Variants in UTS2 observed in about 807,000 individuals in gnomAD.
UTS2 encodes urotensin 2, also known as urotensin-2.
In UTS2, 10 loss-of-function variants were observed where a neutral mutation model predicts 12.6. That is an observed-to-expected ratio of 0.80 (90% CI 0.49 to 1.35). The LOEUF is 1.35. Among genes scored for constraint, UTS2 ranks in the 40% most tolerant of loss-of-function variants. The probability of loss-of-function intolerance (pLI) is 0.00; values close to 1 mark genes in which losing one functional copy is unlikely to be tolerated. For synonymous variants in UTS2, 52 were observed against 50.0 expected (o/e 1.04, Z -0.17); for missense variants, 142 against 143.2 (o/e 0.99, Z 0.04).
chr1:7,909,027 G>C, the UTS2 span, among the ~76,000 whole-genome samples: 7 of 151,968 alleles, frequency 4.6e-5, no homozygotes, highest in African/African-American at 7.3e-5. Flanking sequence ...GGCTGACCTT[G>C]TGATCTACCC....
chr1:7,884,617 A>G, the UTS2 span, among the ~76,000 whole-genome samples: 3 of 152,154 alleles, frequency 2.0e-5, no homozygotes, highest in African/African-American at 7.2e-5. Context: ...CCAACATCTG[A>G]TCTTTTCTAG....
the UTS2 span, among the ~76,000 whole-genome samples, chr1:7,907,328 C>T: frequency 6.6e-6 from 1 of 150,648 alleles, no homozygotes; most frequent in Non-Finnish European, 1.5e-5. Flanking sequence ...TGAGTGGAAG[C>T]AGTCTGACTG....
chr1:7,907,717 A>G, the UTS2 span, among the ~76,000 whole-genome samples: 1 of 152,132 alleles, frequency 6.6e-6, no homozygotes, highest in South Asian at 2.1e-4. Flanking sequence ...GCATTATGTC[A>G]GAGATTTTTT....
upstream of UTS2, chr1:7,853,409 A>C (rs1372330623): frequency 1.2e-6 from 2 of 1,613,998 alleles, no homozygotes; most frequent in Non-Finnish European, 1.7e-6. Flanking sequence ...GCAGAGCATA[A>C]GATGAAATAC....
At chr1:7,862,998 GTATTGTATTGTATTGTATTGTA>G in the UTS2 span, among the ~76,000 whole-genome samples, 3 of 19,588 alleles carry the variant, frequency 1.5e-4, no homozygotes, top group African/African-American at 5.1e-4. Context: ...GTGTTGTATT[GTATTGTATTGTATTGTATTGTA>G]TTGTATTGTA....
At chr1:7,861,376 GT>G in the UTS2 span, among the ~76,000 whole-genome samples, 4 of 152,146 alleles carry the variant, frequency 2.6e-5, no homozygotes. Context: ...GGCCTGGGGG[GT>G]TGGAAGTCTG....
chr1:7,869,031 G>A, the UTS2 span, among the ~76,000 whole-genome samples: 1 of 152,346 alleles, frequency 6.6e-6, no homozygotes, highest in African/African-American at 2.4e-5. Context: ...TGTTGTTTAA[G>A]CTCCCACTCT....
chr1:7,889,140 T>C, the UTS2 span, among the ~76,000 whole-genome samples: 2 of 150,870 alleles, frequency 1.3e-5, no homozygotes, highest in African/African-American at 4.9e-5. Flanking sequence ...AAAGTAGAAT[T>C]TGGCCAGGTG....
chr1:7,896,978 A>G, the UTS2 span, among the ~76,000 whole-genome samples: 32 of 151,576 alleles, frequency 2.1e-4, no homozygotes, highest in African/African-American at 7.0e-4. Context: ...GATTACAGGC[A>G]TGAGCCACTG....
chr1:7,901,606 ATGTGTGTGTG>A, the UTS2 span, among the ~76,000 whole-genome samples: 1 of 126,686 alleles, frequency 7.9e-6, no homozygotes, highest in Non-Finnish European at 1.7e-5. Flanking sequence ...ATATTCATCT[ATGTGTGTGTG>A]TGTGTGTGTG....
chr1:7,890,148 T>A, the UTS2 span, among the ~76,000 whole-genome samples: 14 of 151,640 alleles, frequency 9.2e-5, no homozygotes, highest in African/African-American at 2.9e-4. Context: ...AAAATTCCTC[T>A]TTTAAGCTCT....
the UTS2 span, among the ~76,000 whole-genome samples, chr1:7,885,130 T>TCACCCATCCATC: frequency 2.3e-4 from 34 of 150,210 alleles, no homozygotes; most frequent in African/African-American, 6.6e-4. Context: ...CACCCACCTA[T>TCACCCATCCATC]CATCCATCCA....
chr1:7,852,705 GA>G (rs924799990), intron 1 of UTS2, among the ~76,000 whole-genome samples, 195 bp downstream of exon 1: 4 of 151,826 alleles, frequency 2.6e-5, no homozygotes, highest in South Asian at 4.2e-4. Flanking sequence ...TGTAGAGACA[GA>G]AAAAAAACTG....
chr1:7,889,260 CAAAAAAAAAA>C, the UTS2 span, among the ~76,000 whole-genome samples: 1 of 72,588 alleles, frequency 1.4e-5, no homozygotes, highest in Non-Finnish European at 2.6e-5. Context: ...CTCATTTCTA[CAAAAAAAAAA>C]AAAAAAAAAA....
the UTS2 span, among the ~76,000 whole-genome samples, chr1:7,890,974 C>CG: frequency 2.5e-4 from 38 of 151,370 alleles, no homozygotes; most frequent in African/African-American, 8.5e-4. Context: ...TCCACCCCCC[C>CG]CCACAAAACT....
chr1:7,860,828 A>G, the UTS2 span, among the ~76,000 whole-genome samples: 1 of 152,016 alleles, frequency 6.6e-6, no homozygotes, highest in African/African-American at 2.4e-5. Context: ...GGATCACTTG[A>G]GATCAGGAGT....
chr1:7,872,020 G>T, the UTS2 span, among the ~76,000 whole-genome samples: 6 of 152,132 alleles, frequency 3.9e-5, no homozygotes, highest in Admixed American at 1.3e-4. Flanking sequence ...GATTAAGTTT[G>T]GCCGGGCGCG....
At chr1:7,885,724 GA>G in the UTS2 span, among the ~76,000 whole-genome samples, 13 of 152,060 alleles carry the variant, frequency 8.5e-5, no homozygotes, top group African/African-American at 3.1e-4. Context: ...CGTGGCAAGG[GA>G]AGAATGGGCA....
At chr1:7,850,768 T>C (rs773963465) in intron 2 of UTS2, 44 bp downstream of exon 2, 5 of 1,583,738 alleles carry the variant, frequency 3.2e-6, no homozygotes, top group Admixed American at 1.7e-5. Context: ...GTAAGTTCAG[T>C]AGCAATTAAA....
Sources: allele counts gnomAD v4.1 joint callset (sites outside exome capture counted in the v4.1 genomes callset), GRCh38; gene constraint gnomAD v4.1.1; transcripts MANE v1.5; gene names NCBI Gene and HGNC (gene_info 2026-07-23, HGNC 2026-07-21).